Variants in DGKH observed in about 807,000 individuals in gnomAD.
The protein encoded by DGKH is diacylglycerol kinase eta.
In DGKH, 90 loss-of-function variants were observed where a neutral mutation model predicts 159.3. That is an observed-to-expected ratio of 0.57 (90% CI 0.48 to 0.67). The LOEUF (loss-of-function observed/expected upper bound fraction) is 0.67, where lower values mean the gene tolerates loss of function less well. Ranked by LOEUF, DGKH falls within the 30% of genes least tolerant of loss-of-function variation. DGKH has a pLI of 0.00. For missense variants in DGKH, 1,181 were observed against 1,506.1 expected (o/e 0.78, Z 3.57); for synonymous variants, 536 against 553.8 (o/e 0.97, Z 0.45).
At chr13:42,246,126 T>C (rs1453260409), downstream of DGKH, among the ~76,000 whole-genome samples, 1 of 152,206 alleles carries the variant, frequency 6.6e-6, no homozygotes, top group African/African-American at 2.4e-5. Context: ...TCCAAGGATC[T>C]GAACCCCATC....
In DGKH at chr13:42,073,828, C is replaced by T. The variant is rs548893129; in HGVS notation, c.192+24863C>T. On this transcript the variant is annotated intron_variant, in intron 1 of 29. Coordinates refer to ENST00000337343, the MANE Select transcript of DGKH (RefSeq NM_178009.5). ...GGCACTCTTGAGCAGATATGGAAGG[C>T]TTCCAGAGAGGGTCACATTGAGCTG... is the stretch of plus-strand genomic sequence containing the variant. 5.9e-5 allele frequency among the ~76,000 whole-genome samples: 9 copies of T among 152,270 alleles called. No homozygotes were observed. In the South Asian group the frequency reaches 1.9e-3, roughly 32 times the overall value.
In DGKH at chr13:42,254,565, G is replaced by A. The variant is rs528338428; in HGVS notation, n.4128-1719G>A. On this transcript the variant is annotated intron_variant and non_coding_transcript_variant, in intron 30 of 30. Transcript: ENST00000498255. The stretch of plus-strand genomic sequence containing the variant: ...GGAGAATCACTTGAACCTGGGAGGT[G>A]GAGGTTACAGTGAGCCAAGATCATG... Among the ~76,000 whole-genome samples the A allele has an allele frequency of 4.1e-3, 616 of 151,814 alleles. 3 individuals are homozygous for A. Among genetic ancestry groups the A allele is most frequent in the African/African-American group, 0.013 (540 of 41,380 alleles).
chr13:42,060,080 A>G (rs930089268), intron 1 of DGKH, among the ~76,000 whole-genome samples: 1 of 151,658 alleles, frequency 6.6e-6, no homozygotes, highest in African/African-American at 2.4e-5. Context: ...TAATTTTTGT[A>G]TTTTTAGTAG....
chr13:42,181,188 A>G (rs1410707488), intron 13 of DGKH, among the ~76,000 whole-genome samples: 1 of 147,300 alleles, frequency 6.8e-6, no homozygotes, highest in Non-Finnish European at 1.5e-5. Flanking sequence ...GAGGCAGGAG[A>G]ATGGCGTGAA....
chr13:42,194,027 T>C (rs1359074875), intron 16 of DGKH, among the ~76,000 whole-genome samples: 3 of 152,186 alleles, frequency 2.0e-5, no homozygotes, highest in African/African-American at 7.2e-5. Context: ...TGTATTGAGC[T>C]TTTACAAGAA....
intron 9 of DGKH, 144 bp downstream of exon 9, chr13:42,166,818 C>A: frequency 1.5e-6 from 1 of 665,912 alleles, no homozygotes; most frequent in Non-Finnish European, 2.2e-6. Context: ...TTAACACAAC[C>A]TTTTGGATAG....
chr13:42,249,333 G>A (rs1245981066), intron 29 of DGKH, among the ~76,000 whole-genome samples: 2 of 152,176 alleles, frequency 1.3e-5, no homozygotes, highest in African/African-American at 4.8e-5. Context: ...GATGGAGTGA[G>A]CCCGGCCCTC....
At chr13:42,131,699 C>CT (rs1191356956) in intron 3 of DGKH, among the ~76,000 whole-genome samples, 2 of 152,144 alleles carry the variant, frequency 1.3e-5, no homozygotes, top group East Asian at 3.8e-4. Flanking sequence ...ATAACATTTT[C>CT]TTTAAGTGGG....
chr13:42,187,688 A>C (rs907560053), intron 14 of DGKH, among the ~76,000 whole-genome samples: 1 of 152,078 alleles, frequency 6.6e-6, no homozygotes, highest in Non-Finnish European at 1.5e-5. Flanking sequence ...GATTGACTGA[A>C]GGGGAGATGC....
At chr13:42,202,607 TGAATGGGAAA>T in intron 20 of DGKH, among the ~76,000 whole-genome samples, 1 of 152,326 alleles carries the variant, frequency 6.6e-6, no homozygotes, top group Non-Finnish European at 1.5e-5. Flanking sequence ...AATCACAGTG[TGAATGGGAAA>T]GAACTGTACA....
Position 42,242,155 on chromosome 13 carries a change from C to T in DGKH, c.*12967C>T, listed in dbSNP as rs1471626085. 1.3e-5 allele frequency: 2 copies of T among 152,232 alleles called. No individual in the cohort carries two copies. Among genetic ancestry groups the T allele is most frequent in the African/African-American group, 4.8e-5 (2 of 41,460 alleles). The allele number at this position is 152,232 out of a possible 1,614,324, so 9.4% of individuals were successfully genotyped here. ...ACTTTACCCTGACATTCAGCACATT[C>T]ATTTTATCTTTCGATAAAGATAACC... is the stretch of plus-strand genomic sequence containing the variant. On this transcript the variant is annotated 3_prime_UTR_variant, in exon 30 of 30. Transcript: ENST00000337343.
At chr13:42,243,228 T>G (rs1401168878), downstream of DGKH, among the ~76,000 whole-genome samples, 1 of 152,202 alleles carries the variant, frequency 6.6e-6, no homozygotes, top group Non-Finnish European at 1.5e-5. Flanking sequence ...TCTATACTTT[T>G]ATCATTTCAA....
chr13:42,071,183 A>G, intron 1 of DGKH: 1 of 516,224 alleles, frequency 1.9e-6, no homozygotes, highest in Non-Finnish European at 3.4e-6. Context: ...AAGATCTTTC[A>G]AAAAGGGATA....
chr13:42,174,018 A>G (rs1956537919), intron 11 of DGKH, 42 bp from the exon 12 acceptor site: 1 of 1,535,442 alleles, frequency 6.5e-7, no homozygotes, highest in African/African-American at 1.4e-5. Context: ...AGTTTATCCA[A>G]TTTTAAGGAA....
intron 24 of DGKH, among the ~76,000 whole-genome samples, chr13:42,212,935 T>C (rs1379393840): frequency 6.6e-6 from 1 of 152,148 alleles, no homozygotes; most frequent in Non-Finnish European, 1.5e-5. Context: ...AATTTAAGCA[T>C]GGGAACCAGC....
Position 42,221,354 on chromosome 13 carries a change from G to A in DGKH, c.3533G>A (p.Arg1178Lys). 6.2e-7 allele frequency: 1 copy of A among 1,613,820 alleles called. No individual in the cohort carries two copies. Among genetic ancestry groups the A allele is most frequent in the Non-Finnish European group, 8.5e-7 (1 of 1,179,744 alleles). Residue 1178 changes from arginine to lysine, a missense_variant, in exon 29 of 30, where the codon AGA becomes AAA. By Grantham distance (26) the Arg-to-Lys change is conservative. Around this residue, in one of 5 missense-constraint regions of DGKH, gnomAD observed 84 missense variants for 77.9 expected, o/e 1.08. Transcript: ENST00000337343. The stretch of plus-strand genomic sequence containing the variant: ...GATATCTTCATCCGTCATGACATCA[G>A]AGGGGCTGAACTTTTGCATCTGGAA... ...YKDIFIRHDI[R>K]GAELLHLERR...
At chr13:42,250,018 TGGAG>T (rs1447637171) in intron 29 of DGKH, among the ~76,000 whole-genome samples, 4 of 151,644 alleles carry the variant, frequency 2.6e-5, no homozygotes, top group African/African-American at 9.7e-5. Context: ...TTGCCCAGGC[TGGAG>T]TGCAGTGGCG....
chr13:42,214,402 C>A, intron 24 of DGKH, 105 bp from the exon 25 acceptor site: 2 of 1,054,866 alleles, frequency 1.9e-6, no homozygotes, highest in Non-Finnish European at 2.7e-6. Flanking sequence ...CCATACTGAT[C>A]TTCATATATT....
At chr13:42,186,645 G>A (rs995110814) in intron 13 of DGKH, among the ~76,000 whole-genome samples, 9 of 152,106 alleles carry the variant, frequency 5.9e-5, no homozygotes, top group South Asian at 4.1e-4. Flanking sequence ...ATGATGAGTC[G>A]TGGCTTGACA....
Sources: gnomAD v4.1 joint callset for allele counts (sites outside exome capture counted in the v4.1 genomes callset) on GRCh38, gnomAD v4.1.1 for gene constraint, gnomAD v4.1.1 regional missense constraint, MANE v1.5 for transcripts, NCBI Gene and HGNC (gene_info 2026-07-23, HGNC 2026-07-21) for gene names.